ITGA4: variants seen among roughly 807,000 people sequenced by gnomAD.
ITGA4 encodes integrin subunit alpha 4.
A neutral mutation model predicts 133.6 loss-of-function variants in ITGA4; 63 were observed. The ratio of observed to expected loss-of-function variants is 0.47; its 90% CI spans 0.38 to 0.58. The LOEUF (loss-of-function observed/expected upper bound fraction) is 0.58, where lower values mean the gene tolerates loss of function less well. ITGA4 is among the 20% of genes least tolerant of loss of function. ITGA4 has a pLI of 0.00. For missense variants in ITGA4, 1,076 were observed against 1,252.7 expected (o/e 0.86, Z 2.13); for synonymous variants, 483 against 438.0 (o/e 1.10, Z -1.28).
chr2:181,509,135 TAAAAAAAAAAAAAAAAAAAAA>T (rs57180154), intron 15 of ITGA4, among the ~76,000 whole-genome samples: 918 of 44,668 alleles, frequency 0.021, 10 homozygotes, highest in South Asian at 0.029. Flanking sequence ...TCCCATCTCT[TAAAAAAAAAAAAAAAAAAAAA>T]AAAAAAAAAA....
chr2:181,482,671 C>T lies in ITGA4; in HGVS notation c.1041+20C>T. 6.2e-7 allele frequency: 1 copy of T among 1,607,776 alleles called. No homozygotes were observed. Among genetic ancestry groups the T allele is most frequent in the Non-Finnish European group, 8.5e-7 (1 of 1,174,948 alleles). Reference sequence around the variant, plus strand: ...GGCTCGGTATGTCCAAGTGCCCCAACTGGAAGCCATTTATGGAATTATGAT... The same window carrying T: ...GGCTCGGTATGTCCAAGTGCCCCAATTGGAAGCCATTTATGGAATTATGAT... On this transcript the variant is annotated intron_variant, in intron 9 of 27. Coordinates refer to ENST00000397033, the MANE Select transcript of ITGA4 (RefSeq NM_000885.6).
Position 181,537,427 on chromosome 2 carries a change from T to C in ITGA4, c.*1900T>C, listed in dbSNP as rs560096841. On this transcript the variant is annotated 3_prime_UTR_variant, in exon 28 of 28. Coordinates refer to ENST00000397033, the MANE Select transcript of ITGA4 (RefSeq NM_000885.6). ...AAAATAGTATTTGTTATCAACTTAC[T>C]TTGTTACTTGTATCATGAATTTTAA... 2 of 453,976 alleles carry C rather than the reference T, an allele frequency of 4.4e-6. No individual in the cohort carries two copies. The highest frequency in any genetic ancestry group is 4.0e-5 in the African/African-American group (2 of 50,116). 28.1% of individuals were successfully genotyped at this position (453,976 alleles called of 1,614,324 possible).
At chr2:181,487,967 A>T (rs571311117) in intron 10 of ITGA4, among the ~76,000 whole-genome samples, 2 of 152,360 alleles carry the variant, frequency 1.3e-5, no homozygotes, top group South Asian at 4.1e-4. Flanking sequence ...ATCACTGTTT[A>T]GTAAAACACT....
chr2:181,486,232 C>A (rs896606527), intron 10 of ITGA4: 2 of 402,514 alleles, frequency 5.0e-6, no homozygotes, highest in Non-Finnish European at 8.5e-6. Context: ...TTCTAAGGCA[C>A]CATTGATTAG....
chr2:181,474,515 T>C (rs1412665365), intron 2 of ITGA4, among the ~76,000 whole-genome samples: 1 of 152,244 alleles, frequency 6.6e-6, no homozygotes, highest in African/African-American at 2.4e-5. Context: ...AATTGTACCT[T>C]AATTGCTGAG....
chr2:181,524,115 A>G lies in ITGA4; in HGVS notation c.2170-56A>G, dbSNP rs937503564. On this transcript the variant is annotated intron_variant, in intron 19 of 27. Transcript: ENST00000397033. ...AACTTTTAAGAAAAAAATTCAGATTATAAAAAATGTACTTAAGATTTTTTT... is the reference window on the plus strand; with the variant it reads ...AACTTTTAAGAAAAAAATTCAGATTGTAAAAAATGTACTTAAGATTTTTTT... 5.1e-6 allele frequency: 6 copies of G among 1,166,788 alleles called. No homozygotes were observed. The African/African-American group carries it at 9.6e-5, about 19-fold the overall frequency. 72.3% of individuals were successfully genotyped at this position (1,166,788 alleles called of 1,614,324 possible).
chr2:181,476,081 C>T, intron 4 of ITGA4: 1 of 401,940 alleles, frequency 2.5e-6, no homozygotes, highest in Non-Finnish European at 4.3e-6. Context: ...GCTAATAAGA[C>T]TTTGGTCTTT....
chr2:181,485,686 A>G (rs1160756439), intron 9 of ITGA4, among the ~76,000 whole-genome samples, 195 bp from the exon 10 acceptor site: 1 of 152,216 alleles, frequency 6.6e-6, no homozygotes, highest in African/African-American at 2.4e-5. Flanking sequence ...CTGAGGTCTA[A>G]TCATACTATT....
Position 181,534,944 on chromosome 2 carries a change from T to TCCACA in ITGA4, c.3003+9_3003+10insCCACA. On this transcript the variant is annotated intron_variant, in intron 27 of 27. Coordinates refer to ENST00000397033, the MANE Select transcript of ITGA4 (RefSeq NM_000885.6). ...CATATGTTATGTGGAAGGTAAGCAT[T>TCCACA]TAACAATTACCAACATTAGTCTACT... is the stretch of plus-strand genomic sequence containing the variant. 6.4e-7 allele frequency: 1 copy of TCCACA among 1,556,844 alleles called. No homozygotes were observed. Among genetic ancestry groups the TCCACA allele is most frequent in the East Asian group, 2.3e-5 (1 of 43,662 alleles).
chr2:181,479,125 A>T (rs1200579888), intron 5 of ITGA4: 1 of 201,572 alleles, frequency 5.0e-6, no homozygotes, highest in African/African-American at 2.3e-5. Context: ...TTGTTAACTT[A>T]GGTATTGAAA....
chr2:181,529,637 T>G lies in ITGA4; in HGVS notation c.2527T>G (p.Leu843Val), dbSNP rs201623299. Residue 843 changes from leucine to valine, a missense_variant, in exon 23 of 28, where the codon TTG becomes GTG. Coordinates refer to ENST00000397033, the MANE Select transcript of ITGA4 (RefSeq NM_000885.6). ...SPQTDKLFNI[L>V]DVQTTTGECH... is the part of the protein sequence containing the mutation. ...CCAAACTGATAAGCTGTTCAACATT[T>G]TGGATGTCCAGGTAAAAATGTATTT... 4.5e-6 allele frequency: 7 copies of G among 1,559,168 alleles called. No homozygotes were observed. Among genetic ancestry groups the G allele is most frequent in the Non-Finnish European group, 6.2e-6 (7 of 1,131,578 alleles).
Position 181,523,329 on chromosome 2 carries a change from AG to A in ITGA4, c.2074-107del. ...AAATAGAAAATAGTTTTCCTAGAAA[AG>A]CAAATACTTCTGGGATGATATTCTT... On this transcript the variant is annotated intron_variant, in intron 18 of 27. Coordinates refer to ENST00000397033, the MANE Select transcript of ITGA4 (RefSeq NM_000885.6). The surrounding 1 kb of genome is among the most constrained non-coding windows in gnomAD (Gnocchi z 4.2). 1 of 650,318 alleles carries A rather than the reference AG, an allele frequency of 1.5e-6. No individual in the cohort carries two copies. Among genetic ancestry groups the A allele is most frequent in the South Asian group, 1.8e-5 (1 of 54,244 alleles). 40.3% of individuals were successfully genotyped at this position (650,318 alleles called of 1,614,324 possible).
chr2:181,482,842 T>C (rs1685836483), intron 9 of ITGA4, among the ~76,000 whole-genome samples, 191 bp downstream of exon 9: 1 of 152,154 alleles, frequency 6.6e-6, no homozygotes, highest in East Asian at 1.9e-4. Flanking sequence ...CATTTTGATA[T>C]TCCAGAACAA....
rs554281648 is a variant in ITGA4 at position 181,496,036 on chromosome 2, C to G, written c.1540+99C>G. 1.1e-4 allele frequency: 135 copies of G among 1,234,774 alleles called. 8 individuals are homozygous for G. The South Asian group carries it at 1.3e-3, about 12-fold the overall frequency. The allele number at this position is 1,234,774 out of a possible 1,614,324, so 76.5% of individuals were successfully genotyped here. Reference sequence around the variant, plus strand: ...CCTCACCGGTTTTCACCACGGAGATCTTCTTTAGAGCGGGGGAGAGAAGCT... The same window carrying G: ...CCTCACCGGTTTTCACCACGGAGATGTTCTTTAGAGCGGGGGAGAGAAGCT... On this transcript the variant is annotated intron_variant, in intron 14 of 27. Coordinates refer to ENST00000397033, the MANE Select transcript of ITGA4 (RefSeq NM_000885.6).
chr2:181,519,091 A>G (rs1338871641), intron 17 of ITGA4, among the ~76,000 whole-genome samples: 1 of 152,092 alleles, frequency 6.6e-6, no homozygotes, highest in African/African-American at 2.4e-5. Context: ...GAAAGGATAA[A>G]TAAGATGTGG....
intron 10 of ITGA4, among the ~76,000 whole-genome samples, chr2:181,486,585 C>A (rs155105): frequency 0.74 from 112,866 of 152,106 alleles, 42,220 homozygotes; most frequent in Admixed American, 0.79. Context: ...CTGATATTGA[C>A]GTTTTTTATT....
chr2:181,488,741 G>C (rs940871663), intron 10 of ITGA4, among the ~76,000 whole-genome samples: 4 of 151,826 alleles, frequency 2.6e-5, no homozygotes, highest in African/African-American at 9.7e-5. Flanking sequence ...TGTGTTTTTA[G>C]TAGAGACAGG....
intron 16 of ITGA4, among the ~76,000 whole-genome samples, chr2:181,510,330 A>G (rs1404429346): frequency 3.9e-5 from 6 of 152,102 alleles, no homozygotes; most frequent in Admixed American, 3.9e-4. Flanking sequence ...ACATCCCAGG[A>G]TCAATTGCAT....
chr2:181,486,860 G>C (rs1359060210), intron 10 of ITGA4, among the ~76,000 whole-genome samples: 1 of 152,084 alleles, frequency 6.6e-6, no homozygotes, highest in Non-Finnish European at 1.5e-5. Context: ...TAAGGCCATT[G>C]GCAATTAGTA....
Sources: allele counts gnomAD v4.1 joint callset (sites outside exome capture counted in the v4.1 genomes callset), GRCh38; gene constraint gnomAD v4.1.1; non-coding constraint Gnocchi (gnomAD v3.1); transcripts MANE v1.5; gene names NCBI Gene and HGNC (gene_info 2026-07-23, HGNC 2026-07-21).